Variants in LBX2 observed in about 807,000 individuals in gnomAD.
LBX2 encodes the protein ladybird homeobox 2.
Under a neutral mutation model 7.5 loss-of-function variants are expected in LBX2, and 6 were observed. The ratio of observed to expected loss-of-function variants is 0.80; its 90% CI spans 0.44 to 1.59. The LOEUF is 1.59. Among genes scored for constraint, LBX2 ranks in the 40% most tolerant of loss-of-function variants. The probability of loss-of-function intolerance (pLI) is 0.01; values close to 1 mark genes in which losing one functional copy is unlikely to be tolerated. For synonymous variants in LBX2, 143 were observed against 133.2 expected (o/e 1.07, Z -0.51); for missense variants, 281 against 282.0 (o/e 1.00, Z 0.03).
At chr2:74,502,730 GC>G, upstream of LBX2, 2 of 1,614,092 alleles carry the variant, frequency 1.2e-6, no homozygotes, top group Non-Finnish European at 1.7e-6. This position sits in a 1 kb window ranked among gnomAD's most constrained non-coding sequence, Gnocchi z 5.4. Flanking sequence ...AGATCTCTGC[GC>G]GCCCACCGCC....
In LBX2 at chr2:74,499,061, C is replaced by T; in HGVS notation, c.205+272G>A. 1 of 525,628 alleles carries T rather than the reference C, an allele frequency of 1.9e-6. No individual in the cohort carries two copies. The highest frequency in any genetic ancestry group is 3.4e-6 in the Non-Finnish European group (1 of 295,822). 32.6% of individuals were successfully genotyped at this position (525,628 alleles called of 1,614,324 possible). A position where few individuals can be genotyped will look rare whatever the true frequency, so the allele number is the denominator to read the frequency against. Reference sequence around the variant, plus strand: ...CCTGCCTTTCTCTATCGCGATTGCCCCGCCTACAAGGAACAGAGCAACAGG... The same window carrying T: ...CCTGCCTTTCTCTATCGCGATTGCCTCGCCTACAAGGAACAGAGCAACAGG... On this transcript the variant is annotated intron_variant, in intron 1 of 1. Coordinates refer to ENST00000377566, the MANE Select transcript of LBX2 (RefSeq NM_001282430.2). This position sits in a 1 kb window ranked among gnomAD's most constrained non-coding sequence, Gnocchi z 4.6.
chr2:74,502,708 G>A (rs373496462), upstream of LBX2: 24 of 1,614,060 alleles, frequency 1.5e-5, no homozygotes, highest in South Asian at 2.2e-4. The surrounding 1 kb of genome is among the most constrained non-coding windows in gnomAD (Gnocchi z 5.4). Context: ...CGCCCTGGAC[G>A]CTGTTTTGCA....
At chr2:74,502,689 G>C, upstream of LBX2, 1 of 1,614,144 alleles carries the variant, frequency 6.2e-7, no homozygotes. This position sits in a 1 kb window ranked among gnomAD's most constrained non-coding sequence, Gnocchi z 5.4. Context: ...AGGCCTGTGA[G>C]TTGTTTTCCG....
rs1325648482 is a variant in LBX2 at position 74,497,996 on chromosome 2, G to A, written c.528C>T (p.Leu176=). ...ALPEGAPDPG[L]CLGPAGPDSR... ...AGTCAGGGCCGGCAGGGCCGAGGCA[G>A]AGGCCGGGATCTGGAGCGCCTTCGG... The change falls in exon 2 of 2, where the codon CTC becomes CTT. Residue 176 remains leucine (L), a synonymous_variant. Coordinates refer to ENST00000377566, the MANE Select transcript of LBX2 (RefSeq NM_001282430.2). 1.9e-6 allele frequency: 3 copies of A among 1,608,830 alleles called. No individual in the cohort carries two copies. The highest frequency in any genetic ancestry group is 1.3e-5 in the African/African-American group (1 of 74,834).
chr2:74,502,642 G>T, upstream of LBX2: 4 of 1,609,150 alleles, frequency 2.5e-6, no homozygotes, highest in Non-Finnish European at 2.6e-6. This position sits in a 1 kb window ranked among gnomAD's most constrained non-coding sequence, Gnocchi z 5.4. Context: ...GGAGTGAACC[G>T]GTCCTTATAT....
At position 74,498,383 on chromosome 2, in the gene LBX2, G is replaced by A. The variant is rs1016231736; in HGVS notation, c.206-65C>T. ...AATCAGGCTGGGCCTGGAAAGAAAA[G>A]TTGGGGGTGGGGTCGGGCCGGTGGC... is the stretch of plus-strand genomic sequence containing the variant. On this transcript the variant is annotated intron_variant, in intron 1 of 1. Transcript: ENST00000377566. The A allele has an allele frequency of 3.5e-5, 49 of 1,392,882 alleles. 1 individual carries two copies. The South Asian group carries it at 6.4e-4, about 18-fold the overall frequency. 86.3% of individuals were successfully genotyped at this position (1,392,882 alleles called of 1,614,324 possible).
upstream of LBX2, among the ~76,000 whole-genome samples, chr2:74,501,237 G>A (rs1674477898): frequency 6.6e-6 from 1 of 152,172 alleles, no homozygotes; most frequent in Non-Finnish European, 1.5e-5. Flanking sequence ...GTGGAAAGCT[G>A]AGCTGCCTCA....
In LBX2 at chr2:74,499,496, T is replaced by G. The variant is rs950681704; in HGVS notation, c.42A>C (p.Leu14Phe). 14 of 1,550,100 alleles carry G rather than the reference T, an allele frequency of 9.0e-6. No homozygotes were observed. In the African/African-American group the frequency reaches 1.5e-4, roughly 17 times the overall value. ...GREPRTPRTL[L>F]SIADILAPRM... is the part of the protein sequence containing the mutation. Reference sequence around the variant, plus strand: ...GCGGGGCTAGGATGTCTGCGATGCTTAAGAGTGTCCGGGGTGTTCGGGGCT... The same window carrying G: ...GCGGGGCTAGGATGTCTGCGATGCTGAAGAGTGTCCGGGGTGTTCGGGGCT... Residue 14 changes from leucine (L) to phenylalanine (F), a missense_variant, in exon 1 of 2, where the codon TTA becomes TTC. Leu to Phe is a conservative substitution (Grantham distance 22). Transcript: ENST00000377566. The surrounding 1 kb of genome is among the most constrained non-coding windows in gnomAD (Gnocchi z 4.6).
chr2:74,502,940 G>T, upstream of LBX2: 1 of 1,239,586 alleles, frequency 8.1e-7, no homozygotes, highest in Non-Finnish European at 1.1e-6. The surrounding 1 kb of genome is among the most constrained non-coding windows in gnomAD (Gnocchi z 5.4). Context: ...TCCTGGTGCT[G>T]TCGCCTTTGG....
Position 74,498,094 on chromosome 2 carries a change from C to A in LBX2, c.430G>T (p.Val144Leu). ...QNRRAKLKRD[V>L]EEMRADVASL... ...GCGACGTCGGCGCGCATCTCCTCCA[C>A]ATCGCGCTTGAGCTTGGCTCGCCGG... The change falls in exon 2 of 2, where the codon GTG (valine) becomes TTG (leucine). Residue 144 changes from valine to leucine, a missense_variant. By Grantham distance (32) the Val-to-Leu change is conservative. Coordinates refer to ENST00000377566, the MANE Select transcript of LBX2 (RefSeq NM_001282430.2). 1.2e-6 allele frequency: 2 copies of A among 1,613,276 alleles called. No individual in the cohort carries two copies. Among genetic ancestry groups the A allele is most frequent in the Non-Finnish European group, 1.7e-6 (2 of 1,179,756 alleles).
In LBX2 at chr2:74,499,418, A is replaced by C. The variant is rs1572973103; in HGVS notation, c.120T>G (p.Gly40=). The part of the protein sequence containing the change: ...SAPQLPESGP[G]PTSPLCALEE... ...CCAGCGCGCACAGCGGCGACGTTGGACCCGGACCCGACTCTGGAAGCTGCG... is the reference window on the plus strand; with the variant it reads ...CCAGCGCGCACAGCGGCGACGTTGGCCCCGGACCCGACTCTGGAAGCTGCG... Residue 40 remains glycine, a synonymous_variant, in exon 1 of 2, where the codon GGT becomes GGG. Transcript: ENST00000377566. This position sits in a 1 kb window ranked among gnomAD's most constrained non-coding sequence, Gnocchi z 4.6. 1 of 1,550,460 alleles carries C rather than the reference A, an allele frequency of 6.4e-7. No homozygotes were observed. The highest frequency in any genetic ancestry group is 1.4e-5 in the African/African-American group (1 of 73,122).
upstream of LBX2, chr2:74,502,350 G>A (rs1429520781): frequency 2.7e-6 from 1 of 376,566 alleles, no homozygotes; most frequent in Non-Finnish European, 4.8e-6. The surrounding 1 kb of genome is among the most constrained non-coding windows in gnomAD (Gnocchi z 5.4). Context: ...CTCAATAAAC[G>A]ACCTTTAGTC....
upstream of LBX2, chr2:74,502,646 C>T (rs1395288340): frequency 3.1e-6 from 5 of 1,612,318 alleles, no homozygotes; most frequent in East Asian, 8.9e-5. This position sits in a 1 kb window ranked among gnomAD's most constrained non-coding sequence, Gnocchi z 5.4. Context: ...TGAACCGGTC[C>T]TTATATCTTA....
chr2:74,500,089 G>C (rs986913570), upstream of LBX2, among the ~76,000 whole-genome samples: 1 of 152,170 alleles, frequency 6.6e-6, no homozygotes, highest in African/African-American at 2.4e-5. Context: ...CGTTGTTTCT[G>C]GTCCTGACGG....
chr2:74,498,352 T>C, intron 1 of LBX2, 34 bp from the exon 2 acceptor site: 1 of 1,458,812 alleles, frequency 6.9e-7, no homozygotes. Context: ...GTTTCCAGCC[T>C]CCGGGAATCA....
intron 1 of LBX2, 151 bp from the exon 2 acceptor site, chr2:74,498,469 T>C (rs1215153569): frequency 1.5e-6 from 1 of 679,642 alleles, no homozygotes; most frequent in Middle Eastern, 4.1e-4. Flanking sequence ...TGATCCCTTA[T>C]CGGGAGTCAG....
chr2:74,499,559 C>G lies in LBX2; in HGVS notation c.-22G>C. On this transcript the variant is annotated 5_prime_UTR_variant, in exon 1 of 2. Coordinates refer to ENST00000377566, the MANE Select transcript of LBX2 (RefSeq NM_001282430.2). This position sits in a 1 kb window ranked among gnomAD's most constrained non-coding sequence, Gnocchi z 4.6. ...TCATGGTCGGCCGGGCTGGGGCGGT[C>G]CGGCTGTCCGTTGCGCTAGGCTCCG... is the stretch of plus-strand genomic sequence containing the variant. 13 of 1,540,466 alleles carry G rather than the reference C, an allele frequency of 8.4e-6. No individual in the cohort carries two copies. The highest frequency in any genetic ancestry group is 1.1e-5 in the Non-Finnish European group (13 of 1,140,474).
chr2:74,503,187 T>TC (rs150475363), upstream of LBX2: 6,833 of 284,066 alleles, frequency 0.024, 454 homozygotes, highest in African/African-American at 0.14. This position sits in a 1 kb window ranked among gnomAD's most constrained non-coding sequence, Gnocchi z 5.1. Context: ...TGATTCTCCC[T>TC]CCCTGGCACA....
upstream of LBX2, chr2:74,502,959 C>T (rs1461861150): frequency 3.9e-6 from 4 of 1,033,476 alleles, no homozygotes; most frequent in East Asian, 8.0e-5. The surrounding 1 kb of genome is among the most constrained non-coding windows in gnomAD (Gnocchi z 5.4). Flanking sequence ...GGATGTGAGT[C>T]CTGGAAATGG....
Sources: allele counts gnomAD v4.1 joint callset (sites outside exome capture counted in the v4.1 genomes callset), GRCh38; gene constraint gnomAD v4.1.1; non-coding constraint Gnocchi (gnomAD v3.1); transcripts MANE v1.5; gene names NCBI Gene and HGNC (gene_info 2026-07-23, HGNC 2026-07-21).